BPTF: variants seen among roughly 807,000 people sequenced by gnomAD.
The protein encoded by BPTF is bromodomain PHD finger transcription factor, also known as nucleosome-remodeling factor subunit BPTF.
Under a neutral mutation model 292.5 loss-of-function variants are expected in BPTF, and 18 were observed. The observed-to-expected ratio is 0.06, with a 90% CI of 0.04 to 0.09. The LOEUF (loss-of-function observed/expected upper bound fraction) is 0.09. BPTF is among the 10% of genes least tolerant of loss of function. The probability of loss-of-function intolerance (pLI) is 1.00; values close to 1 mark genes in which losing one functional copy is unlikely to be tolerated. For missense variants in BPTF, 2,726 were observed against 3,498.7 expected (o/e 0.78, Z 5.57); for synonymous variants, 1,225 against 1,251.9 (o/e 0.98, Z 0.45).
At chr17:67,889,534 G>A (rs535386261) in intron 4 of BPTF, among the ~76,000 whole-genome samples, 2 of 152,252 alleles carry the variant, frequency 1.3e-5, no homozygotes, top group South Asian at 2.1e-4. Context: ...AAGGCCAGGC[G>A]CAGTGGCTCA....
At chr17:67,981,648 T>C (rs2070377787) in intron 27 of BPTF, 1 of 1,019,306 alleles carries the variant, frequency 9.8e-7, no homozygotes, top group Non-Finnish European at 1.2e-6. Context: ...TTGTAAACTC[T>C]TGGAATACTG....
At chr17:67,839,802 A>G (rs1380356494) in intron 1 of BPTF, among the ~76,000 whole-genome samples, 2 of 152,224 alleles carry the variant, frequency 1.3e-5, no homozygotes, top group African/African-American at 4.8e-5. Context: ...TTTCTTGAGT[A>G]AATACCTAGG....
intron 7 of BPTF, among the ~76,000 whole-genome samples, chr17:67,901,222 A>G (rs2061815476): frequency 6.6e-6 from 1 of 152,100 alleles, no homozygotes; most frequent in Non-Finnish European, 1.5e-5. Flanking sequence ...AGCATTGCAC[A>G]TCACAAAGGG....
At chr17:67,982,160 C>T in intron 27 of BPTF, 92 bp from the exon 28 acceptor site, 1 of 1,167,172 alleles carries the variant, frequency 8.6e-7, no homozygotes, top group Non-Finnish European at 1.3e-6. Context: ...GGCTGCTTCT[C>T]CCAGACTGAC....
rs547100829 is a variant in BPTF at position 67,923,741 on chromosome 17, A to C, written c.5708+751A>C. ...GTAATCCACCTGCCTCAGCCTCCCAAAGTGCTGGGATTACAAGTGTGAGCC... is the reference window on the plus strand; with the variant it reads ...GTAATCCACCTGCCTCAGCCTCCCACAGTGCTGGGATTACAAGTGTGAGCC... On this transcript the variant is annotated intron_variant, in intron 14 of 27. Transcript: ENST00000306378. Among the ~76,000 whole-genome samples the C allele has an allele frequency of 3.3e-5, 5 of 151,398 alleles. No homozygotes were observed. The South Asian group carries it at 1.0e-3, about 32-fold the overall frequency.
intron 10 of BPTF, among the ~76,000 whole-genome samples, chr17:67,910,450 A>AT (rs1211428459): frequency 3.3e-5 from 5 of 152,160 alleles, no homozygotes; most frequent in African/African-American, 7.2e-5. Flanking sequence ...GTAACAAGTC[A>AT]TTTTTAAAAA....
Position 67,936,892 on chromosome 17 carries a change from G to T in BPTF, c.6260-3547G>T, listed in dbSNP as rs147380480. Among the ~76,000 whole-genome samples, 695 of 152,212 alleles carry T rather than the reference G, an allele frequency of 4.6e-3. 5 individuals carry two copies. Among genetic ancestry groups the T allele is most frequent in the African/African-American group, 0.016 (652 of 41,532 alleles). ...TTTAGAATGTTGAGTAATTTCCCAAGCTATTAATCTGGGATTCAAACCAGA... is the reference window on the plus strand; with the variant it reads ...TTTAGAATGTTGAGTAATTTCCCAATCTATTAATCTGGGATTCAAACCAGA... On this transcript the variant is annotated intron_variant, in intron 18 of 27. Transcript: ENST00000306378.
rs368867519 is a variant in BPTF at position 67,904,774 on chromosome 17, G to A, written c.2746G>A (p.Val916Ile). 2 of 1,612,844 alleles carry A rather than the reference G, an allele frequency of 1.2e-6. No homozygotes were observed. The highest frequency in any genetic ancestry group is 2.2e-5 in the East Asian group (1 of 44,814). ...GGWSWISKTHVYRFVPKLPGN... is the reference protein window; with the variant it reads ...GGWSWISKTHIYRFVPKLPGN... Reference sequence around the variant, plus strand: ...TTGGAGCTGGATTAGTAAAACTCATGTTTATAGGTTTGTTCCTAAATTGCC... The same window carrying A: ...TTGGAGCTGGATTAGTAAAACTCATATTTATAGGTTTGTTCCTAAATTGCC... Residue 916 changes from valine (V) to isoleucine (I), a missense_variant, in exon 9 of 28, where the codon GTT (valine) becomes ATT (isoleucine). By Grantham distance (29) the Val-to-Ile change is conservative. Coordinates refer to ENST00000306378, the MANE Select transcript of BPTF (RefSeq NM_182641.4).
intron 1 of BPTF, among the ~76,000 whole-genome samples, chr17:67,830,673 G>A (rs1051632017): frequency 6.6e-6 from 1 of 152,188 alleles, no homozygotes; most frequent in African/African-American, 2.4e-5. Context: ...AGCAGGCACT[G>A]ATAGTAAAGT....
intron 23 of BPTF, among the ~76,000 whole-genome samples, chr17:67,955,089 A>T (rs1159740215): frequency 1.3e-5 from 2 of 151,828 alleles, no homozygotes; most frequent in African/African-American, 4.8e-5. Context: ...GGAGATTGAG[A>T]CTATCCTGGC....
chr17:67,880,869 T>C (rs1175307226), intron 4 of BPTF, among the ~76,000 whole-genome samples: 2 of 152,064 alleles, frequency 1.3e-5, no homozygotes, highest in African/African-American at 4.8e-5. Flanking sequence ...TTAAATTTTA[T>C]TGACTCTTGT....
At chr17:67,856,970 C>T (rs2058726246) in intron 2 of BPTF, among the ~76,000 whole-genome samples, 1 of 151,920 alleles carries the variant, frequency 6.6e-6, no homozygotes, top group Admixed American at 6.6e-5. Flanking sequence ...CTAGAGACAC[C>T]CCTCCTTGTT....
At chr17:67,904,083 C>T (rs181127100) in intron 8 of BPTF, among the ~76,000 whole-genome samples, 165 bp downstream of exon 8, 137 of 152,310 alleles carry the variant, frequency 9.0e-4, no homozygotes, top group Middle Eastern at 3.4e-3. Flanking sequence ...GATTGGAGTG[C>T]AGTGGCACAA....
At chr17:67,846,176 G>C (rs2058016864) in intron 1 of BPTF, among the ~76,000 whole-genome samples, 1 of 152,080 alleles carries the variant, frequency 6.6e-6, no homozygotes, top group Admixed American at 6.6e-5. Flanking sequence ...TTATAAAATA[G>C]TCCAAACATT....
chr17:67,883,109 T>C (rs1489964704), intron 4 of BPTF, among the ~76,000 whole-genome samples: 1 of 151,996 alleles, frequency 6.6e-6, no homozygotes, highest in Non-Finnish European at 1.5e-5. Flanking sequence ...GATCAGGAGT[T>C]CGAGACCAGC....
chr17:67,866,366 T>C (rs2059391288), intron 2 of BPTF, 98 bp from the exon 3 acceptor site: 2 of 903,644 alleles, frequency 2.2e-6, no homozygotes, highest in African/African-American at 3.3e-5. Context: ...TGAGTTTTAG[T>C]GCATAAGCTT....
At chr17:67,975,645 A>T in intron 26 of BPTF, 127 bp from the exon 27 acceptor site, 1 of 720,774 alleles carries the variant, frequency 1.4e-6, no homozygotes, top group Non-Finnish European at 2.1e-6. Context: ...AATAACCTCC[A>T]GGGTGAACCA....
Position 67,893,440 on chromosome 17 carries a change from A to G in BPTF, c.2126A>G (p.Asn709Ser), listed in dbSNP as rs772374423. ...STKKEVIMKG[N>S]INNYFKLGQE... ...AAAAAGGAAGTGATCATGAAAGGAA[A>G]TATCAACAATTATTTTAAATTGGGT... The change falls in exon 6 of 28, where the codon AAT (asparagine) becomes AGT (serine). Residue 709 changes from asparagine (N) to serine (S), a missense_variant. Transcript: ENST00000306378. 209 of 1,614,064 alleles carry G rather than the reference A, an allele frequency of 1.3e-4. No individual in the cohort carries two copies. Among genetic ancestry groups the G allele is most frequent in the Admixed American group, 5.2e-4 (31 of 59,998 alleles).
intron 7 of BPTF, among the ~76,000 whole-genome samples, chr17:67,903,449 G>A (rs1388473030): frequency 6.6e-6 from 1 of 152,186 alleles, no homozygotes; most frequent in African/African-American, 2.4e-5. Flanking sequence ...AACTGTGGTT[G>A]TGTGTGCACT....
Sources: allele counts gnomAD v4.1 joint callset (sites outside exome capture counted in the v4.1 genomes callset), GRCh38; gene constraint gnomAD v4.1.1; transcripts MANE v1.5; gene names NCBI Gene and HGNC (gene_info 2026-07-23, HGNC 2026-07-21).